The following FGF20 variants were observed in gnomAD, a reference collection of about 807,000 sequenced individuals.
The protein encoded by FGF20 is fibroblast growth factor 20.
In FGF20, 8 loss-of-function variants were observed where a neutral mutation model predicts 16.7. The ratio of observed to expected loss-of-function variants is 0.48; its 90% CI spans 0.28 to 0.87. FGF20 has a LOEUF of 0.87. Among genes scored for constraint, FGF20 ranks in the 40% least tolerant of loss-of-function variants. The pLI is 0.10. For missense variants in FGF20, 397 were observed against 281.4 expected, an observed-to-expected ratio of 1.41 and a Z score of -2.94; for synonymous variants, 161 against 118.6, an observed-to-expected ratio of 1.36 and a Z score of -2.32.
At chr8:16,998,198 C>T (rs955372514) in intron 1 of FGF20, among the ~76,000 whole-genome samples, 21 of 152,096 alleles carry the variant, frequency 1.4e-4, no homozygotes, top group Non-Finnish European at 2.9e-4. Context: ...AAATATGTAG[C>T]TGTAGAAAGA....
chr8:17,001,857 T>C lies in FGF20; in HGVS notation c.176A>G (p.His59Arg). ...RGGPGAAQLA[H>R]LHGILRRRQL... ...CCGGCGGCGCAGGATGCCGTGCAGG[T>C]GCGCCAGCTGCGCAGCCCCCGGCCC... is the stretch of plus-strand genomic sequence containing the variant. Residue 59 changes from histidine to arginine, a missense_variant, in exon 1 of 3, where the codon CAC becomes CGC. By Grantham distance (29) the His-to-Arg change is conservative (BLOSUM62 0). Transcript: ENST00000180166. 1 of 1,486,118 alleles carries C rather than the reference T, an allele frequency of 6.7e-7. No individual in the cohort carries two copies. Among genetic ancestry groups the C allele is most frequent in the Non-Finnish European group, 8.9e-7 (1 of 1,120,054 alleles). 92.1% of individuals were successfully genotyped at this position (1,486,118 alleles called of 1,614,324 possible).
At chr8:16,996,589 T>C (rs994259062) in intron 1 of FGF20, among the ~76,000 whole-genome samples, 5 of 152,232 alleles carry the variant, frequency 3.3e-5, no homozygotes, top group Admixed American at 6.5e-5. Flanking sequence ...CCATTTTCTA[T>C]TCATTGTTTT....
intron 2 of FGF20, 120 bp from the exon 3 acceptor site, chr8:16,993,437 G>A (rs1423205020): frequency 2.8e-6 from 3 of 1,067,398 alleles, no homozygotes; most frequent in Non-Finnish European, 4.0e-6. Flanking sequence ...AGGTTAAATT[G>A]GTTTTGCTTT....
intron 1 of FGF20, among the ~76,000 whole-genome samples, chr8:16,995,980 T>A (rs1810033563): frequency 6.6e-6 from 1 of 152,078 alleles, no homozygotes; most frequent in African/African-American, 2.4e-5. Context: ...GGTGAGACAA[T>A]CAAGTATAAA....
In FGF20 at chr8:16,996,508, C is replaced by T. The variant is rs901692952; in HGVS notation, c.287-750G>A. Among the ~76,000 whole-genome samples the T allele has an allele frequency of 3.3e-5, 5 of 152,280 alleles. No individual in the cohort carries two copies. In the East Asian group the frequency reaches 9.6e-4, roughly 29 times the overall value. ...CATTTAGGCATTCAACAAACGGAAGCTATTATTATCATAAATTAGTATATA... is the reference window on the plus strand; with the variant it reads ...CATTTAGGCATTCAACAAACGGAAGTTATTATTATCATAAATTAGTATATA... On this transcript the variant is annotated intron_variant, in intron 1 of 2. Transcript: ENST00000180166.
chr8:16,994,531 T>C lies in FGF20; in HGVS notation c.390+1124A>G, dbSNP rs1012239857. ...TGTAATTCCATACTTATGATTATTATACATTGCATTGTCTTTCTTTGTTCT... is the reference window on the plus strand; with the variant it reads ...TGTAATTCCATACTTATGATTATTACACATTGCATTGTCTTTCTTTGTTCT... On this transcript the variant is annotated intron_variant, in intron 2 of 2. Coordinates refer to ENST00000180166, the MANE Select transcript of FGF20 (RefSeq NM_019851.3). Among the ~76,000 whole-genome samples, 3 of 152,198 alleles carry C rather than the reference T, an allele frequency of 2.0e-5. No individual in the cohort carries two copies. In the East Asian group the frequency reaches 5.8e-4, roughly 29 times the overall value.
intron 1 of FGF20, among the ~76,000 whole-genome samples, chr8:16,998,937 T>A (rs1810121056): frequency 6.6e-6 from 1 of 152,054 alleles, no homozygotes; most frequent in Non-Finnish European, 1.5e-5. Flanking sequence ...ATCCTTAAGT[T>A]TTCAAAACTG....
rs1037487140 is a variant in FGF20 at position 16,992,495 on chromosome 8, A to C, written c.*577T>G. 2.0e-5 allele frequency: 3 copies of C among 151,424 alleles called. No homozygotes were observed. The highest frequency in any genetic ancestry group is 7.3e-5 in the African/African-American group (3 of 41,336). The allele number at this position is 151,424 out of a possible 1,614,324, so 9.4% of individuals were successfully genotyped here. On this transcript the variant is annotated 3_prime_UTR_variant, in exon 3 of 3. Coordinates refer to ENST00000180166, the MANE Select transcript of FGF20 (RefSeq NM_019851.3). ...AACTCTTTAATAAATAAATATATATAATAAATATTTTCAAATTGAAAGTGT... is the reference window on the plus strand; with the variant it reads ...AACTCTTTAATAAATAAATATATATCATAAATATTTTCAAATTGAAAGTGT...
At chr8:17,001,012 C>G (rs1390814339) in intron 1 of FGF20, among the ~76,000 whole-genome samples, 3 of 152,108 alleles carry the variant, frequency 2.0e-5, no homozygotes, top group Admixed American at 6.5e-5. Context: ...ACTAGGCATG[C>G]TCAGTAGCCG....
chr8:16,996,907 G>C (rs943028090), intron 1 of FGF20, among the ~76,000 whole-genome samples: 6 of 152,264 alleles, frequency 3.9e-5, no homozygotes, highest in East Asian at 1.9e-4. Context: ...TGTTTCTTGA[G>C]GACAATACAG....
In FGF20 at chr8:16,993,126, T is replaced by C. The variant is rs761133332; in HGVS notation, c.582A>G (p.Pro194=). 6.2e-7 allele frequency: 1 copy of C among 1,614,128 alleles called. No homozygotes were observed. The highest frequency in any genetic ancestry group is 2.2e-5 in the East Asian group (1 of 44,870). ...HQKFTHFLPR[P]VDPERVPELY... ...ATTCTGGAACTCTTTCTGGATCCAC[T>C]GGTCTAGGTAAGAAATGTGTAAATT... Residue 194 remains proline, a synonymous_variant, in exon 3 of 3, where the codon CCA becomes CCG. Coordinates refer to ENST00000180166, the MANE Select transcript of FGF20 (RefSeq NM_019851.3).
chr8:16,999,015 G>T (rs1216038920), intron 1 of FGF20, among the ~76,000 whole-genome samples: 3 of 152,092 alleles, frequency 2.0e-5, no homozygotes, highest in Non-Finnish European at 4.4e-5. Flanking sequence ...TGAAGTACTA[G>T]CAAAAGAAGC....
chr8:16,998,739 A>C (rs1332073111), intron 1 of FGF20, among the ~76,000 whole-genome samples: 1 of 151,966 alleles, frequency 6.6e-6, no homozygotes, highest in African/African-American at 2.4e-5. Context: ...TTAAAGAAAT[A>C]TGTTTGATCT....
chr8:16,998,203 G>C (rs1680904370), intron 1 of FGF20, among the ~76,000 whole-genome samples: 1 of 152,106 alleles, frequency 6.6e-6, no homozygotes, highest in Non-Finnish European at 1.5e-5. Context: ...TGTAGCTGTA[G>C]AAAGACAAAA....
chr8:17,000,608 T>C (rs1810159591), intron 1 of FGF20, among the ~76,000 whole-genome samples: 1 of 152,056 alleles, frequency 6.6e-6, no homozygotes, highest in African/African-American at 2.4e-5. Flanking sequence ...ATAATCAAAA[T>C]CCTTTGACAT....
At chr8:16,994,623 A>G (rs1336252022) in intron 2 of FGF20, among the ~76,000 whole-genome samples, 1 of 152,214 alleles carries the variant, frequency 6.6e-6, no homozygotes, top group African/African-American at 2.4e-5. Context: ...ATCTACTTCA[A>G]TATCATCACC....
intron 2 of FGF20, among the ~76,000 whole-genome samples, chr8:16,993,826 C>T (rs1229364187): frequency 1.3e-5 from 2 of 152,146 alleles, no homozygotes; most frequent in Non-Finnish European, 2.9e-5. Flanking sequence ...CCAGATCCCT[C>T]GCATGCACAG....
intron 1 of FGF20, among the ~76,000 whole-genome samples, chr8:16,999,523 T>G (rs1446587949): frequency 7.3e-6 from 1 of 136,264 alleles, no homozygotes; most frequent in Non-Finnish European, 1.6e-5. Context: ...GTTTCCTTTT[T>G]TTTTTTTTTT....
At chr8:16,998,927 A>G (rs1320101334) in intron 1 of FGF20, among the ~76,000 whole-genome samples, 1 of 152,184 alleles carries the variant, frequency 6.6e-6, no homozygotes, top group Non-Finnish European at 1.5e-5. Context: ...TCAAATAGCC[A>G]TCCTTAAGTT....
Sources: allele counts gnomAD v4.1 joint callset (sites outside exome capture counted in the v4.1 genomes callset), GRCh38; gene constraint gnomAD v4.1.1; transcripts MANE v1.5; gene names NCBI Gene and HGNC (gene_info 2026-07-23, HGNC 2026-07-21).